MADD: variants seen among roughly 807,000 people sequenced by gnomAD.
MADD encodes MAP kinase activating death domain, also known as MAP kinase-activating death domain protein.
Under a neutral mutation model 176.7 loss-of-function variants are expected in MADD, and 109 were observed. That is an observed-to-expected ratio of 0.62 (90% confidence interval 0.53 to 0.72). MADD has a LOEUF of 0.72. MADD is among the 30% of genes least tolerant of loss of function. MADD has a pLI of 0.00. For synonymous variants in MADD, 771 were observed against 771.3 expected (o/e 1.00, Z 0.01); for missense variants, 1,914 against 2,045.5 (o/e 0.94, Z 1.24).
intron 22 of MADD, among the ~76,000 whole-genome samples, chr11:47,303,164 T>C (rs571414272): frequency 3.4e-4 from 52 of 152,262 alleles, no homozygotes; most frequent in African/African-American, 1.2e-3. Flanking sequence ...TCTACTGGCT[T>C]GTAAAGTTTC....
chr11:47,300,132 C>T (rs778577214), intron 22 of MADD, among the ~76,000 whole-genome samples: 29 of 151,352 alleles, frequency 1.9e-4, no homozygotes, highest in Admixed American at 1.6e-3. Context: ...ATTTGGTATT[C>T]GTTCTTCTTT....
chr11:47,298,152 C>T (rs1347785237), intron 22 of MADD, among the ~76,000 whole-genome samples: 12 of 152,188 alleles, frequency 7.9e-5, no homozygotes, highest in Non-Finnish European at 1.5e-5. Context: ...ATTAAATTGG[C>T]AACGGGGCTA....
At chr11:47,324,409 G>A (rs1595521567) in intron 29 of MADD, 62 bp from the exon 33 acceptor site, 1 of 1,600,474 alleles carries the variant, frequency 6.2e-7, no homozygotes, top group Non-Finnish European at 8.6e-7. Flanking sequence ...GGCCTGGCAG[G>A]GAAGTCAGGG....
chr11:47,310,752 C>T (rs910006530), intron 25 of MADD, among the ~76,000 whole-genome samples: 15 of 151,466 alleles, frequency 9.9e-5, no homozygotes, highest in African/African-American at 2.9e-4. Context: ...ACTAAAAATA[C>T]AAAAGTTAGC....
At chr11:47,290,014 G>T in exon 17 of MADD, 5 of 1,614,232 alleles carry the variant, frequency 3.1e-6, no homozygotes, top group Non-Finnish European at 4.2e-6. Context: ...GCATGGTGCA[G>T]TCAGAGGACG....
At chr11:47,320,499 C>T (rs2094273143) in intron 27 of MADD, among the ~76,000 whole-genome samples, 1 of 149,772 alleles carries the variant, frequency 6.7e-6, no homozygotes, top group South Asian at 2.1e-4. Context: ...ATATATTACT[C>T]ATTAGGCCAA....
intron 31 of MADD, chr11:47,327,573 T>G: frequency 2.0e-6 from 2 of 985,358 alleles, no homozygotes; most frequent in Non-Finnish European, 2.4e-6. Flanking sequence ...CCTACCCTCT[T>G]TCTTCCTACC....
chr11:47,289,357 G>A (rs2063339932), intron 15 of MADD, 34 bp from the exon 17 acceptor site: 2 of 1,531,566 alleles, frequency 1.3e-6, no homozygotes, highest in Non-Finnish European at 1.8e-6. Flanking sequence ...TACTACAATA[G>A]TGATGTCTCT....
At chr11:47,289,408 G>A (rs1246563136) in exon 16 of MADD, 6 of 1,614,052 alleles carry the variant, frequency 3.7e-6, no homozygotes, top group Non-Finnish European at 4.2e-6. Context: ...GAGGGCGTTA[G>A]TGGATCAGAA....
chr11:47,320,377 C>T (rs573108539), intron 27 of MADD, among the ~76,000 whole-genome samples: 1 of 151,384 alleles, frequency 6.6e-6, no homozygotes, highest in East Asian at 2.0e-4. Flanking sequence ...ATTGTTTGAA[C>T]CTGGGAGGCG....
At chr11:47,284,157 T>G in intron 10 of MADD, 21 bp from the exon 11 acceptor site, 1 of 1,558,214 alleles carries the variant, frequency 6.4e-7, no homozygotes. Flanking sequence ...TTGTTTGTTT[T>G]TTATGCACTT....
intron 1 of MADD, 76 bp downstream of exon 1, chr11:47,270,322 A>C (rs1399027709): frequency 6.7e-6 from 1 of 148,796 alleles, no homozygotes; most frequent in Non-Finnish European, 1.5e-5. Flanking sequence ...CTGAGAGGAC[A>C]CCGTGGCTCT....
intron 22 of MADD, among the ~76,000 whole-genome samples, chr11:47,296,287 C>T (rs530492647): frequency 3.3e-5 from 5 of 152,200 alleles, no homozygotes; most frequent in South Asian, 2.1e-4. Flanking sequence ...AGTTAGGCTC[C>T]GTGCCCAGTC....
chr11:47,329,420 A>C, exon 33 of MADD: 1 of 468,948 alleles, frequency 2.1e-6, no homozygotes, highest in South Asian at 2.7e-5. Context: ...GTGTGAACCC[A>C]CTATTTTGTG....
Position 47,325,071 on chromosome 11 carries a change from T to C in MADD, c.4542+494T>C. The C allele has an allele frequency of 6.1e-6, 2 of 326,354 alleles. No homozygotes were observed. The highest frequency in any genetic ancestry group is 1.1e-5 in the Non-Finnish European group (2 of 175,944). 20.2% of individuals were successfully genotyped at this position (326,354 alleles called of 1,614,324 possible). On this transcript the variant is annotated intron_variant, in intron 30 of 32. Coordinates refer to ENST00000402192, the Ensembl canonical transcript of MADD. The surrounding 1 kb of genome is among the most constrained non-coding windows in gnomAD (Gnocchi z 4.5). ...ATCTGTCCTCTCTGGAGTGTGTTTA[T>C]TTGCCTTTTTCTTCTGCGGATTCTT...
chr11:47,322,245 C>T (rs2094577670), intron 27 of MADD, among the ~76,000 whole-genome samples: 1 of 152,106 alleles, frequency 6.6e-6, no homozygotes, highest in Non-Finnish European at 1.5e-5. Flanking sequence ...AATCTAAACT[C>T]AGGCTGACTT....
intron 5 of MADD, 103 bp from the exon 6 acceptor site, chr11:47,278,062 A>G (rs1169321684): frequency 3.8e-6 from 3 of 784,080 alleles, no homozygotes; most frequent in Admixed American, 1.9e-5. Context: ...GAGTTTTGGA[A>G]GAGGGATTGT....
intron 26 of MADD, among the ~76,000 whole-genome samples, chr11:47,313,961 C>T (rs747207358): frequency 6.6e-6 from 1 of 151,970 alleles, no homozygotes; most frequent in African/African-American, 2.4e-5. Flanking sequence ...GGTTTCACCA[C>T]GCTGGTCAGG....
intron 14 of MADD, 25 bp downstream of exon 14, chr11:47,285,615 C>T: frequency 6.2e-7 from 1 of 1,613,648 alleles, no homozygotes. Flanking sequence ...CTGTCTCTCT[C>T]ACTCCTGTGT....
Sources: allele counts gnomAD v4.1 joint callset (sites outside exome capture counted in the v4.1 genomes callset), GRCh38; gene constraint gnomAD v4.1.1; non-coding constraint Gnocchi (gnomAD v3.1); transcripts MANE v1.5; gene names NCBI Gene and HGNC (gene_info 2026-07-23, HGNC 2026-07-21).